ELMO1: variants seen among roughly 807,000 people sequenced by gnomAD.
The protein encoded by ELMO1 is engulfment and cell motility protein 1.
Under a neutral mutation model 98.9 loss-of-function variants are expected in ELMO1, and 26 were observed. That is an observed-to-expected ratio of 0.26 (90% CI 0.19 to 0.36). ELMO1 has a LOEUF of 0.36. Among genes scored for constraint, ELMO1 ranks in the 10% least tolerant of loss-of-function variants. The probability of loss-of-function intolerance (pLI) is 1.00; values close to 1 mark genes in which losing one functional copy is unlikely to be tolerated. For missense variants in ELMO1, 627 were observed against 935.2 expected, an observed-to-expected ratio of 0.67 and a Z score of 4.30; for synonymous variants, 346 against 346.0, an observed-to-expected ratio of 1.00 and a Z score of 0.00.
chr7:36,882,834 G>A (rs961455267), intron 18 of ELMO1, among the ~76,000 whole-genome samples: 9 of 152,082 alleles, frequency 5.9e-5, no homozygotes, highest in East Asian at 1.9e-4. Flanking sequence ...AGTCCCTCTC[G>A]TCCACACTAC....
intron 4 of ELMO1, among the ~76,000 whole-genome samples, chr7:37,310,231 A>G (rs566088733): frequency 1.1e-4 from 17 of 152,372 alleles, no homozygotes; most frequent in African/African-American, 3.8e-4. Flanking sequence ...ATACATCACT[A>G]TACTTCATAC....
chr7:36,948,494 G>C lies in ELMO1; in HGVS notation c.1438-53477C>G, dbSNP rs542061364. Among the ~76,000 whole-genome samples, 21 of 152,268 alleles carry C rather than the reference G, an allele frequency of 1.4e-4. No individual in the cohort carries two copies. The South Asian group carries it at 3.9e-3, about 28-fold the overall frequency. ...CTCTTTTACAGATTAGGAAACTGAG[G>C]TTCAGAAAAATTAAATCAACTGTAT... On this transcript the variant is annotated intron_variant, in intron 16 of 21. Coordinates refer to ENST00000310758, the MANE Select transcript of ELMO1 (RefSeq NM_014800.11).
At chr7:37,150,019 C>T (rs2129317259) in intron 13 of ELMO1, among the ~76,000 whole-genome samples, 1 of 152,248 alleles carries the variant, frequency 6.6e-6, no homozygotes, top group Non-Finnish European at 1.5e-5. Flanking sequence ...TCCCCATTCC[C>T]CTGCCAGCTA....
At chr7:37,113,280 G>T (rs577821075) in intron 14 of ELMO1, among the ~76,000 whole-genome samples, 26 of 152,336 alleles carry the variant, frequency 1.7e-4, no homozygotes, top group Admixed American at 5.2e-4. Context: ...ACTGTCTTCT[G>T]TGTGCCTGGC....
intron 15 of ELMO1, among the ~76,000 whole-genome samples, chr7:37,079,593 C>T (rs73346393): frequency 6.6e-6 from 1 of 152,032 alleles, no homozygotes; most frequent in South Asian, 2.1e-4. Flanking sequence ...TCTCCTCCCC[C>T]ACTCCGGTGA....
At chr7:36,869,129 A>C (rs1167806178) in intron 20 of ELMO1, among the ~76,000 whole-genome samples, 1 of 152,094 alleles carries the variant, frequency 6.6e-6, no homozygotes, top group Non-Finnish European at 1.5e-5. Context: ...ATAAACGGAA[A>C]CCCCCGTTGG....
In ELMO1 at chr7:37,297,978, T is replaced by G. The variant is rs369975029; in HGVS notation, c.192+16872A>C. Among the ~76,000 whole-genome samples the G allele has an allele frequency of 2.6e-5, 4 of 152,320 alleles. No homozygotes were observed. The East Asian group carries it at 7.7e-4, about 29-fold the overall frequency. ...ATACAGTAGAATGCCATTGGTTTTC[T>G]CTAAGTAATAGGATTTTGATCTTTT... On this transcript the variant is annotated intron_variant, in intron 4 of 21. Transcript: ENST00000310758.
At chr7:37,221,122 T>C (rs2130522038) in intron 10 of ELMO1, among the ~76,000 whole-genome samples, 1 of 152,280 alleles carries the variant, frequency 6.6e-6, no homozygotes, top group Middle Eastern at 3.4e-3. Flanking sequence ...AGACTGCCCC[T>C]AGCACAGGCT....
intron 1 of ELMO1, among the ~76,000 whole-genome samples, chr7:37,359,595 G>T (rs1256985977): frequency 6.6e-6 from 1 of 152,170 alleles, no homozygotes; most frequent in East Asian, 1.9e-4. Context: ...CTAAACATGG[G>T]TAGATGGAGT....
chr7:37,332,498 T>G (rs779650613), intron 2 of ELMO1, among the ~76,000 whole-genome samples: 2 of 152,176 alleles, frequency 1.3e-5, no homozygotes, highest in Non-Finnish European at 2.9e-5. Context: ...CCTCATCCGG[T>G]CTGAAGAGTC....
At chr7:37,391,782 A>G (rs1803089343) in intron 1 of ELMO1, among the ~76,000 whole-genome samples, 1 of 152,190 alleles carries the variant, frequency 6.6e-6, no homozygotes. Flanking sequence ...AACACTCACC[A>G]GGGAAGAGCT....
intron 21 of ELMO1, among the ~76,000 whole-genome samples, chr7:36,858,778 C>T (rs1562775291): frequency 2.6e-5 from 4 of 152,078 alleles, no homozygotes; most frequent in Non-Finnish European, 4.4e-5. Flanking sequence ...GGATGGAGGC[C>T]AAGGAGTGCA....
intron 15 of ELMO1, among the ~76,000 whole-genome samples, chr7:37,034,463 T>C (rs902888945): frequency 6.6e-6 from 1 of 152,146 alleles, no homozygotes; most frequent in Non-Finnish European, 1.5e-5. Flanking sequence ...ATGAACAACA[T>C]GGAAGTTAGG....
At chr7:37,182,015 T>C (rs1437310328) in intron 13 of ELMO1, among the ~76,000 whole-genome samples, 1 of 63,556 alleles carries the variant, frequency 1.6e-5, no homozygotes, top group Non-Finnish European at 3.2e-5. Flanking sequence ...TGCCCCCCTC[T>C]CAAATAAGAA....
chr7:37,380,137 T>C lies in ELMO1; in HGVS notation c.-73-37374A>G, dbSNP rs573894793. Among the ~76,000 whole-genome samples, 9 of 152,300 alleles carry C rather than the reference T, an allele frequency of 5.9e-5. No homozygotes were observed. The South Asian group carries it at 1.5e-3, about 25-fold the overall frequency. On this transcript the variant is annotated intron_variant, in intron 1 of 21. Transcript: ENST00000310758. Reference sequence around the variant, plus strand: ...AAAATCCAAGCTGTCCTTCCCCTCTTCCAAGATAGAGTACCTTCAGTCCAT... The same window carrying C: ...AAAATCCAAGCTGTCCTTCCCCTCTCCCAAGATAGAGTACCTTCAGTCCAT...
chr7:37,396,981 T>G (rs1803325814), intron 1 of ELMO1, among the ~76,000 whole-genome samples: 1 of 152,186 alleles, frequency 6.6e-6, no homozygotes, highest in South Asian at 2.1e-4. Context: ...GACTATATTA[T>G]GTTATAAAGG....
chr7:37,209,410 C>T (rs1335133787), intron 13 of ELMO1, among the ~76,000 whole-genome samples: 1 of 152,130 alleles, frequency 6.6e-6, no homozygotes, highest in Admixed American at 6.5e-5. Context: ...GGAGGCAGCA[C>T]ATGGAAAGAA....
chr7:37,231,731 G>C (rs966808566), intron 8 of ELMO1, among the ~76,000 whole-genome samples: 5 of 152,122 alleles, frequency 3.3e-5, no homozygotes, highest in African/African-American at 4.8e-5. Flanking sequence ...AAAAACAGGT[G>C]AAATCAAATG....
chr7:37,234,612 T>C (rs1033699183), intron 7 of ELMO1, among the ~76,000 whole-genome samples: 4 of 152,194 alleles, frequency 2.6e-5, no homozygotes, highest in African/African-American at 4.8e-5. Flanking sequence ...GGGTTCTCCC[T>C]TCAGCCCTAA....
Sources: gnomAD v4.1 joint callset for allele counts (sites outside exome capture counted in the v4.1 genomes callset) on GRCh38, gnomAD v4.1.1 for gene constraint, MANE v1.5 for transcripts, NCBI Gene and HGNC (gene_info 2026-07-23, HGNC 2026-07-21) for gene names.